The following ASXL1 variants were observed in gnomAD, a reference collection of about 807,000 sequenced individuals.
ASXL1 encodes the protein ASXL transcriptional regulator 1, also known as polycomb group protein ASXL1.
In ASXL1, 65 loss-of-function variants were observed where a neutral mutation model predicts 89.1. The observed-to-expected ratio is 0.73, with a 90% CI of 0.60 to 0.90. ASXL1 has a LOEUF of 0.90. ASXL1 is among the 40% of genes least tolerant of loss of function. The pLI, the probability that ASXL1 is intolerant of heterozygous loss-of-function variation, is 0.00. For synonymous variants in ASXL1, 739 were observed against 746.9 expected (o/e 0.99, Z 0.17); for missense variants, 1,786 against 1,942.9 (o/e 0.92, Z 1.52).
chr20:32,416,662 A>T (rs2049143685), intron 4 of ASXL1, among the ~76,000 whole-genome samples: 1 of 152,070 alleles, frequency 6.6e-6, no homozygotes. Context: ...CTTATCCTTA[A>T]TCTCCATGTA....
At chr20:32,397,553 C>T (rs1443609234) in intron 4 of ASXL1, among the ~76,000 whole-genome samples, 2 of 151,764 alleles carry the variant, frequency 1.3e-5, no homozygotes, top group African/African-American at 4.8e-5. Flanking sequence ...GTGTGTGCCA[C>T]CACTCCCAGC....
In ASXL1 at chr20:32,399,745, C is replaced by CTATTTTTTTTTTTTTTTTTTTTTTTT. The variant is rs1600525633; in HGVS notation, c.253-28382_253-28381insATTTTTTTTTTTTTTTTTTTTTTTTT. Reference sequence around the variant, plus strand: ...ATTTTTAAAAATCTCACATATTTTACTCTTTTTTTTTTTTTTTTTTTTTTT... The same window carrying CTATTTTTTTTTTTTTTTTTTTTTTTT: ...ATTTTTAAAAATCTCACATATTTTACTATTTTTTTTTTTTTTTTTTTTTTTTTCTTTTTTTTTTTTTTTTTTTTTTT... On this transcript the variant is annotated intron_variant, in intron 4 of 12. Coordinates refer to ENST00000375687, the MANE Select transcript of ASXL1 (RefSeq NM_015338.6). Among the ~76,000 whole-genome samples the CTATTTTTTTTTTTTTTTTTTTTTTTT allele has an allele frequency of 1.2e-4, 8 of 66,614 alleles. 2 individuals are homozygous for CTATTTTTTTTTTTTTTTTTTTTTTTT. Among genetic ancestry groups the CTATTTTTTTTTTTTTTTTTTTTTTTT allele is most frequent in the East Asian group, 5.6e-4 (1 of 1,784 alleles). 43.7% of individuals were successfully genotyped at this position (66,614 alleles called of 152,430 possible).
intron 1 of ASXL1, 57 bp from the exon 2 acceptor site, chr20:32,366,327 A>G (rs563396220): frequency 2.1e-6 from 3 of 1,448,674 alleles, no homozygotes; most frequent in Non-Finnish European, 2.9e-6. Flanking sequence ...TGATATATGG[A>G]TGGATGGATA....
chr20:32,423,559 TTATG>T (rs1314558179), intron 4 of ASXL1, among the ~76,000 whole-genome samples: 223 of 151,558 alleles, frequency 1.5e-3, no homozygotes, highest in African/African-American at 4.9e-3. Flanking sequence ...ATTTATTTAT[TTATG>T]TATTTGAGAT....
intron 4 of ASXL1, among the ~76,000 whole-genome samples, chr20:32,383,147 T>A (rs557760459): frequency 1.8e-4 from 28 of 152,314 alleles, no homozygotes; most frequent in Admixed American, 7.8e-4. Flanking sequence ...TTGAAGGATC[T>A]TGTAAGTTCC....
At chr20:32,364,713 G>A (rs2048178072) in intron 1 of ASXL1, among the ~76,000 whole-genome samples, 2 of 152,182 alleles carry the variant, frequency 1.3e-5, no homozygotes, top group Admixed American at 1.3e-4. Context: ...AAGGATTTTA[G>A]AGCTGAAAGT....
At chr20:32,404,886 A>G (rs1302036660) in intron 4 of ASXL1, among the ~76,000 whole-genome samples, 1 of 152,180 alleles carries the variant, frequency 6.6e-6, no homozygotes, top group African/African-American at 2.4e-5. Flanking sequence ...GCATTGATAT[A>G]AATAATTATG....
chr20:32,374,120 C>A (rs1295296620), intron 4 of ASXL1, among the ~76,000 whole-genome samples: 4 of 152,086 alleles, frequency 2.6e-5, no homozygotes, highest in Non-Finnish European at 5.9e-5. Context: ...TCAAGCAATC[C>A]TTCCAGCTTC....
In ASXL1 at chr20:32,434,677, C is replaced by T. The variant is rs79865730; in HGVS notation, c.1965C>T (p.Thr655=). 2,018 of 1,602,668 alleles carry T rather than the reference C, an allele frequency of 1.3e-3. 11 individuals carry two copies. In the African/African-American group the frequency reaches 0.016, roughly 13 times the overall value. ...GGPGGGGGGA[T]DEGGGRGSSS... is the part of the protein sequence containing the mutation. ...CGGGTGGAGGTGGCGGCGGGGCCAC[C>T]GATGAGGGAGGTGGCAGAGGCAGCA... Residue 655 remains threonine, a synonymous_variant, in exon 13 of 13, where the codon ACC becomes ACT. Transcript: ENST00000375687.
At chr20:32,397,249 G>GTT (rs1480616920) in intron 4 of ASXL1, among the ~76,000 whole-genome samples, 2 of 29,922 alleles carry the variant, frequency 6.7e-5, no homozygotes, top group African/African-American at 2.2e-4. Flanking sequence ...ACCATGCCTG[G>GTT]CTTTTTTTTT....
At chr20:32,421,912 A>G (rs2049260708) in intron 4 of ASXL1, among the ~76,000 whole-genome samples, 1 of 125,570 alleles carries the variant, frequency 8.0e-6, no homozygotes, top group Middle Eastern at 5.0e-3. Flanking sequence ...TCTGTCACCC[A>G]GGCTGGAGTG....
At chr20:32,432,843 C>A in intron 10 of ASXL1, 37 bp from the exon 11 acceptor site, 1 of 1,609,698 alleles carries the variant, frequency 6.2e-7, no homozygotes, top group South Asian at 1.1e-5. Context: ...ATTAATATCC[C>A]GAATGCACTT....
At chr20:32,378,156 ATTTG>A (rs1268519191) in intron 4 of ASXL1, among the ~76,000 whole-genome samples, 6 of 44,412 alleles carry the variant, frequency 1.4e-4, no homozygotes, top group Admixed American at 2.1e-4. Flanking sequence ...TGGCTGAGTA[ATTTG>A]TGTGTGTGTG....
In ASXL1 at chr20:32,412,947, C is replaced by G. The variant is rs985687533; in HGVS notation, c.253-15181C>G. On this transcript the variant is annotated intron_variant, in intron 4 of 12. Coordinates refer to ENST00000375687, the MANE Select transcript of ASXL1 (RefSeq NM_015338.6). ...GCATCTACCTTTTGACCGATTGTTT[C>G]CATTTGATTATTCAAGGCAGTAGTA... Among the ~76,000 whole-genome samples, 19 of 152,126 alleles carry G rather than the reference C, an allele frequency of 1.2e-4. No individual in the cohort carries two copies. In the South Asian group the frequency reaches 2.7e-3, roughly 22 times the overall value.
At chr20:32,424,264 G>T (rs1193733420) in intron 4 of ASXL1, among the ~76,000 whole-genome samples, 1 of 152,310 alleles carries the variant, frequency 6.6e-6, no homozygotes, top group South Asian at 2.1e-4. Context: ...GCTAGGTACG[G>T]TGGCTCACAC....
At chr20:32,391,636 T>C (rs879523989) in intron 4 of ASXL1, among the ~76,000 whole-genome samples, 4 of 152,080 alleles carry the variant, frequency 2.6e-5, no homozygotes, top group Non-Finnish European at 5.9e-5. Context: ...AGTACAGGTG[T>C]GTGTCACCAT....
At chr20:32,424,820 T>C (rs993915002) in intron 4 of ASXL1, among the ~76,000 whole-genome samples, 1 of 152,208 alleles carries the variant, frequency 6.6e-6, no homozygotes, top group Admixed American at 6.5e-5. Context: ...TGTGGGAATG[T>C]AATACAGTGA....
Position 32,434,616 on chromosome 20 carries a change from A to G in ASXL1, c.1904A>G (p.Glu635Gly), listed in dbSNP as rs746706200. 3 of 1,609,930 alleles carry G rather than the reference A, an allele frequency of 1.9e-6. No individual in the cohort carries two copies. The highest frequency in any genetic ancestry group is 1.1e-5 in the South Asian group (1 of 90,920). ...RGARGHHCHR[E>G]AATTAIGGGG... ...GCGAGAGGTCACCACTGCCATAGAG[A>G]GGCGGCCACCACTGCCATCGGAGGG... The change falls in exon 13 of 13, where the codon GAG becomes GGG. Residue 635 changes from glutamate to glycine, a missense_variant. Transcript: ENST00000375687.
intron 4 of ASXL1, among the ~76,000 whole-genome samples, chr20:32,419,905 CCT>C (rs1426492045): frequency 3.3e-5 from 5 of 152,250 alleles, no homozygotes; most frequent in Admixed American, 6.5e-5. Context: ...GTCTTGAACT[CCT>C]GACCTCAGAT....
Sources: gnomAD v4.1 joint callset for allele counts (sites outside exome capture counted in the v4.1 genomes callset) on GRCh38, gnomAD v4.1.1 for gene constraint, MANE v1.5 for transcripts, NCBI Gene and HGNC (gene_info 2026-07-23, HGNC 2026-07-21) for gene names.